The following FHIT variants were observed in gnomAD, a reference collection of about 807,000 sequenced individuals.
FHIT encodes the protein fragile histidine triad diadenosine triphosphatase, also known as bis(5'-adenosyl)-triphosphatase.
FHIT carries 19 observed loss-of-function variants against 17.9 expected under a neutral mutation model. That is an observed-to-expected ratio of 1.06 (90% confidence interval 0.74 to 1.56). The LOEUF (loss-of-function observed/expected upper bound fraction) is 1.56, where lower values mean the gene tolerates loss of function less well. FHIT is among the 40% of genes most tolerant of loss of function. FHIT has a pLI of 0.00. For synonymous variants in FHIT, 81 were observed against 69.7 expected (o/e 1.16, Z -0.81); for missense variants, 248 against 189.2 (o/e 1.31, Z -1.82).
At chr3:60,754,587 C>T (rs529570501) in intron 4 of FHIT, among the ~76,000 whole-genome samples, 51 of 151,988 alleles carry the variant, frequency 3.4e-4, no homozygotes, top group Admixed American at 2.4e-3. Flanking sequence ...GCTAAGATCG[C>T]GCCACTGCAC....
intron 3 of FHIT, among the ~76,000 whole-genome samples, chr3:60,843,502 T>A (rs1702810499): frequency 6.6e-6 from 1 of 152,174 alleles, no homozygotes. Context: ...TGGAAATACT[T>A]TGCCCTCTAA....
intron 5 of FHIT, among the ~76,000 whole-genome samples, chr3:60,030,580 A>T (rs1700958638): frequency 6.6e-6 from 1 of 152,154 alleles, no homozygotes; most frequent in Non-Finnish European, 1.5e-5. Flanking sequence ...GTACTCATTT[A>T]TGATTACTTG....
At chr3:60,490,564 G>C (rs74320899) in intron 5 of FHIT, among the ~76,000 whole-genome samples, 2 of 148,682 alleles carry the variant, frequency 1.3e-5, no homozygotes, top group Non-Finnish European at 2.9e-5. Context: ...CTCTTGCTCC[G>C]TCTCCACAGA....
chr3:61,041,989 GA>G (rs2033540106), intron 3 of FHIT, 57 bp downstream of exon 3: 1 of 152,214 alleles, frequency 6.6e-6, no homozygotes, highest in African/African-American at 2.4e-5. Flanking sequence ...GTGGCCAGGT[GA>G]CTTTAGCCAG....
intron 3 of FHIT, among the ~76,000 whole-genome samples, chr3:60,930,928 G>A (rs150447993): frequency 0.26 from 38,852 of 151,976 alleles, 5,063 homozygotes; most frequent in Middle Eastern, 0.32. Flanking sequence ...TGTTTATTGC[G>A]GCACTATTTA....
chr3:60,452,972 G>A (rs960413138), intron 5 of FHIT, among the ~76,000 whole-genome samples: 9 of 152,164 alleles, frequency 5.9e-5, no homozygotes, highest in Non-Finnish European at 1.2e-4. Context: ...TAGTGTACAC[G>A]AATGATTTGC....
At chr3:60,669,554 A>G (rs1459407132) in intron 4 of FHIT, among the ~76,000 whole-genome samples, 1 of 152,116 alleles carries the variant, frequency 6.6e-6, no homozygotes, top group Admixed American at 6.5e-5. Flanking sequence ...AGCATCCAAG[A>G]TAGGAAGTAG....
rs918970180 is a variant in FHIT, at chr3:60,058,329, C to A, written c.104-44177G>T. 2.0e-5 allele frequency among the ~76,000 whole-genome samples: 3 copies of A among 151,740 alleles called. 1 individual carries two copies. Among genetic ancestry groups the A allele is most frequent in the Admixed American group, 2.0e-4 (3 of 15,218 alleles). On this transcript the variant is annotated intron_variant, in intron 5 of 9. Coordinates refer to ENST00000492590, the MANE Select transcript of FHIT (RefSeq NM_002012.4). Reference sequence around the variant, plus strand: ...TATTTTTAGTAGAGATGGGGTTTCACCATGTTGGGCAGGATGGTCTGGATC... The same window carrying A: ...TATTTTTAGTAGAGATGGGGTTTCAACATGTTGGGCAGGATGGTCTGGATC...
At chr3:60,372,293 T>A (rs896837823) in intron 5 of FHIT, among the ~76,000 whole-genome samples, 1 of 152,152 alleles carries the variant, frequency 6.6e-6, no homozygotes, top group African/African-American at 2.4e-5. Flanking sequence ...TACCTGAGCA[T>A]AGAGCACCAC....
intron 4 of FHIT, among the ~76,000 whole-genome samples, chr3:60,742,334 T>C (rs760315): frequency 0.13 from 19,888 of 152,168 alleles, 1,499 homozygotes; most frequent in Admixed American, 0.18. Context: ...ACCAGGATGA[T>C]AGCCTGGAAA....
intron 3 of FHIT, among the ~76,000 whole-genome samples, chr3:61,019,675 C>T (rs72873087): frequency 0.021 from 3,192 of 152,184 alleles, 72 homozygotes; most frequent in African/African-American, 0.05. Flanking sequence ...TTAATGCAAA[C>T]ACAGATTCTT....
Position 61,029,032 on chromosome 3 carries a change from T to C in FHIT, c.-111+13015A>G, listed in dbSNP as rs994521115. Among the ~76,000 whole-genome samples the C allele has an allele frequency of 3.3e-5, 5 of 152,138 alleles. No homozygotes were observed. In the East Asian group the frequency reaches 9.6e-4, roughly 29 times the overall value. On this transcript the variant is annotated intron_variant, in intron 3 of 9. Coordinates refer to ENST00000492590, the MANE Select transcript of FHIT (RefSeq NM_002012.4). ...AGGCTAGACCAAGGCTCTTCCAGAA[T>C]GGTTCAAATATACACTCATTCCTCA...
At chr3:60,614,429 C>G (rs1275759066) in intron 4 of FHIT, among the ~76,000 whole-genome samples, 1 of 152,128 alleles carries the variant, frequency 6.6e-6, no homozygotes, top group African/African-American at 2.4e-5. Flanking sequence ...CATGGCAAAA[C>G]TCCATCTCTA....
intron 8 of FHIT, among the ~76,000 whole-genome samples, chr3:59,822,787 A>G (rs889707421): frequency 6.6e-5 from 10 of 152,166 alleles, no homozygotes; most frequent in Non-Finnish European, 4.4e-5. Context: ...TTTGCTGTGT[A>G]GAAGCTCTTT....
intron 5 of FHIT, among the ~76,000 whole-genome samples, chr3:60,150,364 T>C (rs1300485000): frequency 2.0e-5 from 3 of 152,138 alleles, no homozygotes; most frequent in East Asian, 1.9e-4. Flanking sequence ...ATAAAATATA[T>C]TGGAGTCAAT....
At chr3:60,777,792 G>A (rs1471537738) in intron 4 of FHIT, among the ~76,000 whole-genome samples, 1 of 152,116 alleles carries the variant, frequency 6.6e-6, no homozygotes, top group Non-Finnish European at 1.5e-5. Context: ...CCCATCTGAT[G>A]AAAATTTATG....
At chr3:60,353,566 A>G (rs1420579368) in intron 5 of FHIT, among the ~76,000 whole-genome samples, 1 of 152,176 alleles carries the variant, frequency 6.6e-6, no homozygotes, top group Non-Finnish European at 1.5e-5. Flanking sequence ...CAAATTAAGC[A>G]TGAATACTGC....
intron 3 of FHIT, among the ~76,000 whole-genome samples, chr3:60,977,423 G>A (rs1710307186): frequency 6.6e-6 from 1 of 152,186 alleles, no homozygotes; most frequent in South Asian, 2.1e-4. Flanking sequence ...AGAAACTTGA[G>A]TGTATGAGTG....
At chr3:59,932,143 C>A (rs1463961802) in intron 7 of FHIT, among the ~76,000 whole-genome samples, 1 of 152,188 alleles carries the variant, frequency 6.6e-6, no homozygotes, top group Non-Finnish European at 1.5e-5. Flanking sequence ...AGTGTCAATG[C>A]ATCCATTTTG....
Sources: allele counts gnomAD v4.1 joint callset (sites outside exome capture counted in the v4.1 genomes callset), GRCh38; gene constraint gnomAD v4.1.1; transcripts MANE v1.5; gene names NCBI Gene and HGNC (gene_info 2026-07-23, HGNC 2026-07-21).